Variants in RBFOX1 observed in about 807,000 individuals in gnomAD.
RBFOX1 encodes the protein RNA binding protein fox-1 homolog 1.
RBFOX1 carries 8 observed loss-of-function variants against 57.7 expected under a neutral mutation model. That is an observed-to-expected ratio of 0.14 (90% CI 0.08 to 0.25). The LOEUF is 0.25. Among genes scored for constraint, RBFOX1 ranks in the 10% least tolerant of loss-of-function variants. The pLI is 1.00. For missense variants in RBFOX1, 611 were observed against 548.5 expected, an observed-to-expected ratio of 1.11 and a Z score of -1.14; for synonymous variants, 326 against 222.4, an observed-to-expected ratio of 1.47 and a Z score of -4.15.
intron 2 of RBFOX1, among the ~76,000 whole-genome samples, chr16:6,551,585 A>T (rs1260694418): frequency 6.6e-6 from 1 of 152,192 alleles, no homozygotes; most frequent in Non-Finnish European, 1.5e-5. Flanking sequence ...TTATGACATA[A>T]TTGATCTGAA....
intron 4 of RBFOX1, among the ~76,000 whole-genome samples, chr16:7,507,514 C>T (rs1221211972): frequency 6.6e-6 from 1 of 151,440 alleles, no homozygotes; most frequent in African/African-American, 2.4e-5. Flanking sequence ...GATTCTGAGG[C>T]AGTAGGTCTG....
intron 2 of RBFOX1, among the ~76,000 whole-genome samples, chr16:6,459,134 G>A (rs547194403): frequency 3.3e-5 from 5 of 152,308 alleles, no homozygotes; most frequent in South Asian, 4.2e-4. Flanking sequence ...AGCAGATCGA[G>A]ACCATCCTGG....
intron 1 of RBFOX1, among the ~76,000 whole-genome samples, chr16:6,034,085 A>G (rs1248629958): frequency 6.6e-6 from 1 of 152,110 alleles, no homozygotes; most frequent in Non-Finnish European, 1.5e-5. Flanking sequence ...CCGTAATCCC[A>G]GCCCTTTGGG....
At chr16:5,386,826 G>A (rs1363395159) in intron 1 of RBFOX1, among the ~76,000 whole-genome samples, 2 of 152,132 alleles carry the variant, frequency 1.3e-5, no homozygotes, top group Non-Finnish European at 2.9e-5. Context: ...CAAGGTGGGC[G>A]GATCACCTGA....
intron 3 of RBFOX1, among the ~76,000 whole-genome samples, chr16:6,759,797 C>G (rs1311926744): frequency 1.3e-5 from 2 of 152,006 alleles, no homozygotes; most frequent in African/African-American, 4.8e-5. Flanking sequence ...CAAGATGTGG[C>G]TATGAGGATG....
intron 3 of RBFOX1, among the ~76,000 whole-genome samples, chr16:6,886,479 G>A (rs188243370): frequency 3.4e-4 from 51 of 152,110 alleles, no homozygotes; most frequent in East Asian, 1.2e-3. Context: ...TAGGCCCAGC[G>A]CGGTGGCTCA....
intron 4 of RBFOX1, among the ~76,000 whole-genome samples, chr16:7,158,886 T>C (rs2077701877): frequency 6.6e-6 from 1 of 152,130 alleles, no homozygotes; most frequent in Admixed American, 6.6e-5. Flanking sequence ...GGTGTGTCTT[T>C]GCACACGTGT....
intron 2 of RBFOX1, among the ~76,000 whole-genome samples, chr16:5,556,852 T>C (rs1758496842): frequency 6.6e-6 from 1 of 152,218 alleles, no homozygotes; most frequent in Non-Finnish European, 1.5e-5. Context: ...ATTACTTCCC[T>C]GTCATTGACA....
At chr16:6,236,903 A>C (rs1339204109) in intron 1 of RBFOX1, among the ~76,000 whole-genome samples, 1 of 152,208 alleles carries the variant, frequency 6.6e-6, no homozygotes, top group Non-Finnish European at 1.5e-5. Flanking sequence ...CATATGCCCA[A>C]GGTCACACAG....
In RBFOX1 at chr16:7,038,546, C is replaced by T. The variant is rs184930852; in HGVS notation, c.-15-13511C>T. 2.3e-3 allele frequency among the ~76,000 whole-genome samples: 345 copies of T among 152,194 alleles called. 2 individuals are homozygous for T. The highest frequency in any genetic ancestry group is 8.0e-3 in the African/African-American group (331 of 41,516). ...CTTCCACCCTGCAAGGTATCAGATG[C>T]CAAGACATTTCGTGGTTTAGCTTGT... On this transcript the variant is annotated intron_variant, in intron 3 of 15. Transcript: ENST00000550418.
intron 1 of RBFOX1, among the ~76,000 whole-genome samples, chr16:6,264,151 C>T (rs17139716): frequency 0.14 from 21,645 of 152,084 alleles, 2,451 homozygotes; most frequent in African/African-American, 0.3. Flanking sequence ...GGTTCCTTTT[C>T]TTGCAAGTTG....
At chr16:6,904,273 C>T (rs6500868) in intron 3 of RBFOX1, among the ~76,000 whole-genome samples, 43,569 of 152,004 alleles carry the variant, frequency 0.29, 7,094 homozygotes, top group African/African-American at 0.46. Flanking sequence ...TGAACCTGTT[C>T]TCTGTGAGGC....
intron 2 of RBFOX1, among the ~76,000 whole-genome samples, chr16:6,346,241 C>G (rs1483764788): frequency 6.6e-6 from 1 of 152,114 alleles, no homozygotes; most frequent in Non-Finnish European, 1.5e-5. Context: ...CCAAAACAAG[C>G]AATCCATCTG....
intron 1 of RBFOX1, among the ~76,000 whole-genome samples, chr16:5,322,684 A>G (rs189109292): frequency 6.6e-6 from 1 of 152,138 alleles, no homozygotes; most frequent in Admixed American, 6.5e-5. Flanking sequence ...GGTTCCTATG[A>G]CACCTCCCCC....
intron 4 of RBFOX1, among the ~76,000 whole-genome samples, chr16:7,106,257 G>A (rs2063566325): frequency 6.6e-6 from 1 of 152,202 alleles, no homozygotes; most frequent in South Asian, 2.1e-4. Flanking sequence ...ATGAGCATGT[G>A]TGTAAACACA....
At chr16:6,636,898 ATATG>A (rs1256335295) in intron 2 of RBFOX1, among the ~76,000 whole-genome samples, 1 of 131,462 alleles carries the variant, frequency 7.6e-6, no homozygotes, top group East Asian at 2.1e-4. Flanking sequence ...ATGTTTAAAT[ATATG>A]TATAAACATA....
intron 2 of RBFOX1, among the ~76,000 whole-genome samples, chr16:6,412,906 A>G (rs745790634): frequency 1.8e-4 from 28 of 152,212 alleles, no homozygotes; most frequent in Non-Finnish European, 3.2e-4. Context: ...GTGTGGCACT[A>G]TCAGAAACGG....
intron 2 of RBFOX1, among the ~76,000 whole-genome samples, chr16:6,539,395 C>G (rs1274675861): frequency 6.6e-6 from 1 of 152,146 alleles, no homozygotes; most frequent in Non-Finnish European, 1.5e-5. Flanking sequence ...CACACAGCAG[C>G]ACTCCACATC....
At chr16:5,792,672 G>C (rs535719261) in intron 3 of RBFOX1, among the ~76,000 whole-genome samples, 1 of 152,114 alleles carries the variant, frequency 6.6e-6, no homozygotes, top group African/African-American at 2.4e-5. Context: ...CTGAAACCCC[G>C]TCTCTACTAA....
Sources: gnomAD v4.1 joint callset for allele counts (sites outside exome capture counted in the v4.1 genomes callset) on GRCh38, gnomAD v4.1.1 for gene constraint, MANE v1.5 for transcripts, NCBI Gene and HGNC (gene_info 2026-07-23, HGNC 2026-07-21) for gene names.